Variants in FLT3 observed in about 807,000 individuals in gnomAD.
FLT3 encodes receptor-type tyrosine-protein kinase FLT3.
In FLT3, 46 loss-of-function variants were observed where a neutral mutation model predicts 126.6. The ratio of observed to expected loss-of-function variants is 0.36; its 90% confidence interval spans 0.29 to 0.46. The LOEUF is 0.46. Ranked by LOEUF, FLT3 falls within the 20% of genes least tolerant of loss-of-function variation. FLT3 has a pLI of 1.00. For synonymous variants in FLT3, 404 were observed against 434.4 expected, an observed-to-expected ratio of 0.93 and a Z score of 0.87; for missense variants, 1,069 against 1,190.3, an observed-to-expected ratio of 0.90 and a Z score of 1.50.
At chr13:28,041,118 G>T (rs1294875440) in intron 9 of FLT3, among the ~76,000 whole-genome samples, 3 of 152,144 alleles carry the variant, frequency 2.0e-5, no homozygotes, top group African/African-American at 7.2e-5. Context: ...GGAAACAATA[G>T]AAAGATTGGG....
chr13:28,092,667 C>T (rs1879190383), intron 1 of FLT3, among the ~76,000 whole-genome samples: 1 of 151,966 alleles, frequency 6.6e-6, no homozygotes, highest in Non-Finnish European at 1.5e-5. Flanking sequence ...GTTCTGTTGG[C>T]CCCATATTCA....
rs1400663570 is a variant in FLT3, at chr13:28,016,952, T to C, written c.2542-1251A>G. Among the ~76,000 whole-genome samples, 5 of 152,138 alleles carry C rather than the reference T, an allele frequency of 3.3e-5. No individual in the cohort carries two copies. In the East Asian group the frequency reaches 9.6e-4, roughly 29 times the overall value. ...GCTTTCACGTTGGTTTTATTGGCTT[T>C]TTCCCACATCAACGCTATGAGGTAA... On this transcript the variant is annotated intron_variant, in intron 20 of 23. Transcript: ENST00000241453.
In FLT3 at chr13:28,037,224, C is replaced by T. The variant is rs766480411; in HGVS notation, c.1270G>A (p.Asp424Asn). ...GTGAACATTTTGGTAAATTGGGCATCATCATTTTCTGCATGGAATATATAT... is the reference window on the plus strand; with the variant it reads ...GTGAACATTTTGGTAAATTGGGCATTATCATTTTCTGCATGGAATATATAT... The part of the protein sequence containing the change: ...GEYIFHAEND[D>N]AQFTKMFTLN... The change falls in exon 10 of 24, where the codon GAT (aspartate) becomes AAT (asparagine). Residue 424 changes from aspartate (D) to asparagine (N), a missense_variant. Physicochemically the swap from Asp to Asn is conservative, Grantham distance 23. Coordinates refer to ENST00000241453, the MANE Select transcript of FLT3 (RefSeq NM_004119.3). The T allele has an allele frequency of 6.2e-7, 1 of 1,610,356 alleles. No individual in the cohort carries two copies. Among genetic ancestry groups the T allele is most frequent in the South Asian group, 1.1e-5 (1 of 90,996 alleles).
intron 2 of FLT3, among the ~76,000 whole-genome samples, chr13:28,069,957 T>A (rs1397211102): frequency 1.3e-5 from 2 of 151,408 alleles, no homozygotes; most frequent in Non-Finnish European, 2.9e-5. Context: ...TTGCAAAAAA[T>A]AAAAAAAATT....
At chr13:28,075,716 C>A (rs1043814545) in intron 1 of FLT3, among the ~76,000 whole-genome samples, 1 of 128,200 alleles carries the variant, frequency 7.8e-6, no homozygotes, top group African/African-American at 2.7e-5. Flanking sequence ...CAGAGTGAGG[C>A]TCTGTCTAAA....
intron 20 of FLT3, among the ~76,000 whole-genome samples, chr13:28,018,027 C>T (rs1407598201): frequency 7.2e-5 from 11 of 152,154 alleles, no homozygotes; most frequent in African/African-American, 1.7e-4. Flanking sequence ...TTCATTAATT[C>T]ATATTTAAGT....
chr13:28,015,188 T>C lies in FLT3; in HGVS notation c.2722A>G (p.Met908Val), dbSNP rs200909894. The C allele has an allele frequency of 8.7e-6, 14 of 1,610,374 alleles. No individual in the cohort carries two copies. Among genetic ancestry groups the C allele is most frequent in the East Asian group, 2.2e-5 (1 of 44,852 alleles). Residue 908 changes from methionine (M) to valine (V), a missense_variant, in exon 22 of 24, where the codon ATG (methionine) becomes GTG (valine). Coordinates refer to ENST00000241453, the MANE Select transcript of FLT3 (RefSeq NM_004119.3). Reference sequence around the variant, plus strand: ...TCTGTAGCATAAAATGGCTGATCCATTTTAAATCCATTTTGAATCAGTTTG... The same window carrying C: ...TCTGTAGCATAAAATGGCTGATCCACTTTAAATCCATTTTGAATCAGTTTG... ...FYKLIQNGFK[M>V]DQPFYATEEI...
chr13:28,068,487 A>G (rs1406995379), intron 2 of FLT3, among the ~76,000 whole-genome samples: 1 of 150,528 alleles, frequency 6.6e-6, no homozygotes, highest in African/African-American at 2.4e-5. Context: ...TCTGGCTAAC[A>G]TGGCAAAACC....
chr13:28,099,724 A>AT lies in FLT3; in HGVS notation c.43+743dup, dbSNP rs1023756016. On this transcript the variant is annotated intron_variant, in intron 1 of 23. Transcript: ENST00000241453. The stretch of plus-strand genomic sequence containing the variant: ...AAAGCTGACGCGAACCGATGGGAAG[A>AT]TTTTTTTTTTCAATAACAACTATGC... Among the ~76,000 whole-genome samples, 485 of 150,780 alleles carry AT rather than the reference A, an allele frequency of 3.2e-3. 3 individuals are homozygous for AT. The highest frequency in any genetic ancestry group is 0.011 in the African/African-American group (439 of 41,096).
rs148541604 is a variant in FLT3 at position 28,021,156 on chromosome 13, G to A, written c.2418+2194C>T. On this transcript the variant is annotated intron_variant, in intron 19 of 23. Transcript: ENST00000241453. ...TGTAATCCCAGCACTTTGGGAAGCC[G>A]AGGCGGGCAAATCACTTGAGTCAGG... Among the ~76,000 whole-genome samples, 1,175 of 152,216 alleles carry A rather than the reference G, an allele frequency of 7.7e-3. 7 individuals carry two copies. The highest frequency in any genetic ancestry group is 0.044 in the Middle Eastern group (13 of 294).
Position 28,023,474 on chromosome 13 carries a change from T to G in FLT3, c.2294A>C (p.Glu765Ala). 14 of 1,613,804 alleles carry G rather than the reference T, an allele frequency of 8.7e-6. No individual in the cohort carries two copies. Among genetic ancestry groups the G allele is most frequent in the Non-Finnish European group, 1.2e-5 (14 of 1,179,956 alleles). ...LHGNSFHSED[E>A]IEYENQKRLE... is the part of the protein sequence containing the mutation. Reference sequence around the variant, plus strand: ...CCTTTTTTGGTTTTCATATTCAATTTCATCTGTAAAATAGAGCCAGTCTTC... The same window carrying G: ...CCTTTTTTGGTTTTCATATTCAATTGCATCTGTAAAATAGAGCCAGTCTTC... The change falls in exon 19 of 24, where the codon GAA becomes GCA. Residue 765 changes from glutamate (E) to alanine (A), a missense_variant. Glu to Ala is a moderately radical substitution (Grantham distance 107). Transcript: ENST00000241453.
chr13:28,069,355 T>C (rs1275771683), intron 2 of FLT3, among the ~76,000 whole-genome samples: 1 of 152,018 alleles, frequency 6.6e-6, no homozygotes, highest in East Asian at 1.9e-4. Context: ...AAGAAAGTAG[T>C]CCAAAATGAT....
chr13:28,051,770 T>G (rs1875500304), intron 5 of FLT3, among the ~76,000 whole-genome samples: 1 of 147,158 alleles, frequency 6.8e-6, no homozygotes, highest in Non-Finnish European at 1.5e-5. Context: ...ATGATCTCGA[T>G]CTCCTGACCT....
chr13:28,019,122 C>T (rs1872156430), intron 19 of FLT3, among the ~76,000 whole-genome samples: 2 of 152,094 alleles, frequency 1.3e-5, no homozygotes, highest in Non-Finnish European at 2.9e-5. Context: ...CACGCGCCAC[C>T]AGGCCCAGCT....
At chr13:28,057,069 C>A (rs773812325) in intron 4 of FLT3, among the ~76,000 whole-genome samples, 4 of 152,198 alleles carry the variant, frequency 2.6e-5, no homozygotes, top group African/African-American at 9.7e-5. Context: ...TTTTCCATTT[C>A]TTCCCTGTCA....
rs1001196509 is a variant in FLT3 at position 28,021,836 on chromosome 13, A to G, written c.2418+1514T>C. Among the ~76,000 whole-genome samples, 162 of 150,490 alleles carry G rather than the reference A, an allele frequency of 1.1e-3. 1 individual carries two copies. The highest frequency in any genetic ancestry group is 1.3e-4 in the Admixed American group (2 of 15,090). ...TGGCTCACTGCAAGCTCCGCCTCCC[A>G]GGTTCATGCCATTCTCCTGCCTCAG... is the stretch of plus-strand genomic sequence containing the variant. On this transcript the variant is annotated intron_variant, in intron 19 of 23. Coordinates refer to ENST00000241453, the MANE Select transcript of FLT3 (RefSeq NM_004119.3).
chr13:28,089,698 G>T (rs933901397), intron 1 of FLT3, among the ~76,000 whole-genome samples: 2 of 151,872 alleles, frequency 1.3e-5, no homozygotes, highest in Non-Finnish European at 2.9e-5. Flanking sequence ...GAGGGGCTTG[G>T]GGTAGGGATC....
intron 1 of FLT3, among the ~76,000 whole-genome samples, chr13:28,090,456 T>A (rs1480460078): frequency 1.3e-5 from 2 of 152,158 alleles, no homozygotes; most frequent in African/African-American, 4.8e-5. Flanking sequence ...ATTTACTGTA[T>A]GAAAATTGTA....
chr13:28,083,294 A>G (rs1404112879), intron 1 of FLT3, among the ~76,000 whole-genome samples: 1 of 152,176 alleles, frequency 6.6e-6, no homozygotes, highest in African/African-American at 2.4e-5. Flanking sequence ...GTCTGTAAAT[A>G]TAGTGATTGA....
Sources: gnomAD v4.1 joint callset for allele counts (sites outside exome capture counted in the v4.1 genomes callset) on GRCh38, gnomAD v4.1.1 for gene constraint, MANE v1.5 for transcripts, NCBI Gene and HGNC (gene_info 2026-07-23, HGNC 2026-07-21) for gene names.